RAB3C: variants seen among roughly 807,000 people sequenced by gnomAD.
RAB3C encodes ras-related protein Rab-3C.
A neutral mutation model predicts 26.4 loss-of-function variants in RAB3C; 17 were observed. The ratio of observed to expected loss-of-function variants is 0.64; its 90% CI spans 0.44 to 0.97. The LOEUF (loss-of-function observed/expected upper bound fraction) is 0.97, where lower values mean the gene tolerates loss of function less well. Ranked by LOEUF, RAB3C falls within the 50% of genes least tolerant of loss-of-function variation. The probability of loss-of-function intolerance (pLI) is 0.00; values close to 1 mark genes in which losing one functional copy is unlikely to be tolerated. For missense variants in RAB3C, 242 were observed against 281.9 expected (o/e 0.86, Z 1.01); for synonymous variants, 91 against 95.9 (o/e 0.95, Z 0.30).
At chr5:58,674,395 T>C (rs565721490) in intron 2 of RAB3C, among the ~76,000 whole-genome samples, 1 of 152,330 alleles carries the variant, frequency 6.6e-6, no homozygotes, top group Non-Finnish European at 1.5e-5. Context: ...GGGTTTTTAA[T>C]TGAAAGCTAA....
chr5:58,853,730 TAATTTCTAAACCCCAA>T lies in RAB3C; in HGVS notation c.*2380_*2395del, dbSNP rs953822534. 6.6e-6 allele frequency: 1 copy of T among 152,200 alleles called. No individual in the cohort carries two copies. The highest frequency in any genetic ancestry group is 2.4e-5 in the African/African-American group (1 of 41,448). 9.4% of individuals were successfully genotyped at this position (152,200 alleles called of 1,614,324 possible). On this transcript the variant is annotated 3_prime_UTR_variant, in exon 5 of 5. Coordinates refer to ENST00000282878, the MANE Select transcript of RAB3C (RefSeq NM_138453.4). Reference sequence around the variant, plus strand: ...TTGCCAAGAAACATCTGATACTTTCTAATTTCTAAACCCCAATGGAAGTGAGGCCTTTTTCATTGAT... The same window carrying T: ...TTGCCAAGAAACATCTGATACTTTCTTGGAAGTGAGGCCTTTTTCATTGAT...
intron 2 of RAB3C, among the ~76,000 whole-genome samples, chr5:58,647,300 T>C (rs1747540432): frequency 6.6e-6 from 1 of 152,178 alleles, no homozygotes; most frequent in African/African-American, 2.4e-5. Context: ...TCAGGAAACT[T>C]ACAATTATGG....
chr5:58,800,764 A>G (rs1210910177), intron 3 of RAB3C, among the ~76,000 whole-genome samples: 1 of 152,208 alleles, frequency 6.6e-6, no homozygotes, highest in East Asian at 1.9e-4. Context: ...GACTGGACAG[A>G]GTCAGGGTCC....
chr5:58,669,624 G>A (rs758405291), intron 2 of RAB3C, among the ~76,000 whole-genome samples: 1 of 152,178 alleles, frequency 6.6e-6, no homozygotes, highest in East Asian at 1.9e-4. Flanking sequence ...GGCTCCACTA[G>A]TAACTCGTTT....
At chr5:58,676,672 G>T (rs577163443) in intron 2 of RAB3C, among the ~76,000 whole-genome samples, 1 of 152,164 alleles carries the variant, frequency 6.6e-6, no homozygotes, top group Admixed American at 6.5e-5. Context: ...CTGCATTGAT[G>T]ACCTGGCAGC....
At position 58,854,565 on chromosome 5, in the gene RAB3C, T is replaced by C. The variant is rs1303110626; in HGVS notation, c.*3214T>C. Reference sequence around the variant, plus strand: ...CATAAGAGGAATTGCTTCAGGACAATGAATCAGTTCATTGTTGCTGCCCCC... The same window carrying C: ...CATAAGAGGAATTGCTTCAGGACAACGAATCAGTTCATTGTTGCTGCCCCC... On this transcript the variant is annotated 3_prime_UTR_variant, in exon 5 of 5. Coordinates refer to ENST00000282878, the MANE Select transcript of RAB3C (RefSeq NM_138453.4). 1 of 152,186 alleles carries C rather than the reference T, an allele frequency of 6.6e-6. No individual in the cohort carries two copies. The highest frequency in any genetic ancestry group is 2.4e-5 in the African/African-American group (1 of 41,442). The allele number at this position is 152,186 out of a possible 1,614,324, so 9.4% of individuals were successfully genotyped here.
At chr5:58,609,048 G>A (rs1746634745) in intron 1 of RAB3C, among the ~76,000 whole-genome samples, 1 of 152,120 alleles carries the variant, frequency 6.6e-6, no homozygotes, top group Non-Finnish European at 1.5e-5. Flanking sequence ...TGGGGAGTGG[G>A]GAGGAGGGGG....
intron 2 of RAB3C, among the ~76,000 whole-genome samples, chr5:58,635,966 A>G (rs1747281850): frequency 6.6e-6 from 1 of 152,240 alleles, no homozygotes; most frequent in South Asian, 2.1e-4. Flanking sequence ...AAAATCACTG[A>G]GTATATTAAA....
rs1744138451 is a variant in RAB3C at position 58,852,667 on chromosome 5, C to T, written c.*1316C>T. 6.6e-6 allele frequency: 1 copy of T among 152,104 alleles called. No individual in the cohort carries two copies. The highest frequency in any genetic ancestry group is 2.1e-4 in the South Asian group (1 of 4,832). 9.4% of individuals were successfully genotyped at this position (152,104 alleles called of 1,614,324 possible). ...TTTGTATCACAAACTTCCTAAAGGACCTATATGAATAAAGAGAAAACAACA... is the reference window on the plus strand; with the variant it reads ...TTTGTATCACAAACTTCCTAAAGGATCTATATGAATAAAGAGAAAACAACA... On this transcript the variant is annotated 3_prime_UTR_variant, in exon 5 of 5. Transcript: ENST00000282878.
intron 2 of RAB3C, among the ~76,000 whole-genome samples, chr5:58,700,551 C>G (rs1748820559): frequency 6.6e-6 from 1 of 152,100 alleles, no homozygotes; most frequent in African/African-American, 2.4e-5. Flanking sequence ...AACTCAGAGC[C>G]CTAAGGTGTT....
intron 2 of RAB3C, among the ~76,000 whole-genome samples, chr5:58,626,626 A>G (rs1747058361): frequency 6.6e-6 from 1 of 152,168 alleles, no homozygotes; most frequent in African/African-American, 2.4e-5. Flanking sequence ...TTCATCTGTA[A>G]ACTGGGGACA....
intron 3 of RAB3C, among the ~76,000 whole-genome samples, chr5:58,792,922 C>T (rs1742562289): frequency 6.6e-6 from 1 of 151,812 alleles, no homozygotes. Context: ...TTTTTGAGGG[C>T]AGGAGTATTT....
chr5:58,782,581 A>T (rs1420595135), intron 3 of RAB3C, among the ~76,000 whole-genome samples: 1 of 152,134 alleles, frequency 6.6e-6, no homozygotes, highest in African/African-American at 2.4e-5. Flanking sequence ...AGTGACTGCT[A>T]ATGAGTTACT....
At chr5:58,631,074 G>A (rs757438338) in intron 2 of RAB3C, among the ~76,000 whole-genome samples, 7 of 152,162 alleles carry the variant, frequency 4.6e-5, no homozygotes, top group Non-Finnish European at 8.8e-5. Context: ...ATCTGAGTGA[G>A]AGAATGAGTA....
At chr5:58,690,556 A>G (rs16888437) in intron 2 of RAB3C, among the ~76,000 whole-genome samples, 3,491 of 152,232 alleles carry the variant, frequency 0.023, 136 homozygotes, top group African/African-American at 0.08. Flanking sequence ...GATTTCTGTC[A>G]GCTGGATTCT....
intron 4 of RAB3C, among the ~76,000 whole-genome samples, chr5:58,850,126 G>A (rs1354075447): frequency 1.3e-5 from 2 of 152,180 alleles, no homozygotes; most frequent in African/African-American, 2.4e-5. Flanking sequence ...GCAACTGACT[G>A]GCAAGCTCAG....
At chr5:58,795,792 G>A (rs1742631012) in intron 3 of RAB3C, among the ~76,000 whole-genome samples, 1 of 152,066 alleles carries the variant, frequency 6.6e-6, no homozygotes. Context: ...TAGAAAGAAA[G>A]ATAGGAGGTA....
At position 58,744,451 on chromosome 5, in the gene RAB3C, C is replaced by T. The variant is rs181877916; in HGVS notation, c.371+18331C>T. ...AACATGCAGTCATCGTCACACGATTCATCGGCAGTGTATGACATCTCCAGC... is the reference window on the plus strand; with the variant it reads ...AACATGCAGTCATCGTCACACGATTTATCGGCAGTGTATGACATCTCCAGC... On this transcript the variant is annotated intron_variant, in intron 3 of 4. Coordinates refer to ENST00000282878, the MANE Select transcript of RAB3C (RefSeq NM_138453.4). 2.5e-3 allele frequency among the ~76,000 whole-genome samples: 381 copies of T among 152,294 alleles called. 2 individuals are homozygous for T. The highest frequency in any genetic ancestry group is 4.3e-3 in the Non-Finnish European group (294 of 68,018).
Position 58,623,452 on chromosome 5 carries a change from C to A in RAB3C, c.252+5582C>A, listed in dbSNP as rs567634006. On this transcript the variant is annotated intron_variant, in intron 2 of 4. Coordinates refer to ENST00000282878, the MANE Select transcript of RAB3C (RefSeq NM_138453.4). ...CCAAAGCCAGTGACAGCTGCCAAGACCATTCTTGGTGCTGTCATTTGTATG... is the reference window on the plus strand; with the variant it reads ...CCAAAGCCAGTGACAGCTGCCAAGAACATTCTTGGTGCTGTCATTTGTATG... 2.6e-5 allele frequency among the ~76,000 whole-genome samples: 4 copies of A among 152,336 alleles called. No individual in the cohort carries two copies. The South Asian group carries it at 8.3e-4, about 32-fold the overall frequency.
Sources: gnomAD v4.1 joint callset for allele counts (sites outside exome capture counted in the v4.1 genomes callset) on GRCh38, gnomAD v4.1.1 for gene constraint, MANE v1.5 for transcripts, NCBI Gene and HGNC (gene_info 2026-07-23, HGNC 2026-07-21) for gene names.